Variants in PTPRG observed in about 807,000 individuals in gnomAD.
PTPRG encodes the protein protein tyrosine phosphatase receptor type G, also known as receptor-type tyrosine-protein phosphatase gamma.
In PTPRG, 102 loss-of-function variants were observed where a neutral mutation model predicts 165.3. That is an observed-to-expected ratio of 0.62 (90% CI 0.53 to 0.73). PTPRG has a LOEUF of 0.73. PTPRG is among the 30% of genes least tolerant of loss of function. The pLI, the probability that PTPRG is intolerant of heterozygous loss-of-function variation, is 0.00. For missense variants in PTPRG, 1,866 were observed against 1,861.4 expected (o/e 1.00, Z -0.05); for synonymous variants, 675 against 669.5 (o/e 1.01, Z -0.13).
chr3:61,755,099 C>T (rs576115824), intron 2 of PTPRG, among the ~76,000 whole-genome samples: 29 of 152,220 alleles, frequency 1.9e-4, no homozygotes, highest in South Asian at 1.7e-3. Context: ...CCTCCGCCTC[C>T]TGGGTTCAAG....
intron 1 of PTPRG, among the ~76,000 whole-genome samples, chr3:61,673,608 G>A (rs1703110569): frequency 1.3e-5 from 2 of 152,138 alleles, no homozygotes; most frequent in Admixed American, 6.5e-5. Context: ...ATTACTGTTT[G>A]TATAAATCTA....
intron 2 of PTPRG, among the ~76,000 whole-genome samples, chr3:61,846,127 C>G (rs555141804): frequency 6.6e-6 from 1 of 152,276 alleles, no homozygotes; most frequent in Admixed American, 6.5e-5. Context: ...GAAGATCTGC[C>G]TAAAGCACTC....
At chr3:61,666,028 A>C (rs1702804152) in intron 1 of PTPRG, among the ~76,000 whole-genome samples, 1 of 151,638 alleles carries the variant, frequency 6.6e-6, no homozygotes, top group South Asian at 2.1e-4. Flanking sequence ...TATACTGGGA[A>C]CTGGAAACAG....
chr3:62,009,663 G>A (rs1486938380), intron 4 of PTPRG, among the ~76,000 whole-genome samples: 2 of 152,140 alleles, frequency 1.3e-5, no homozygotes, highest in African/African-American at 4.8e-5. Context: ...AAGAGAATGT[G>A]TTCCTTGTCT....
intron 2 of PTPRG, among the ~76,000 whole-genome samples, chr3:61,974,308 C>G (rs1308694600): frequency 6.6e-6 from 1 of 151,882 alleles, no homozygotes; most frequent in Non-Finnish European, 1.5e-5. Context: ...TTAGTATGTC[C>G]TTTGGGAGGC....
At chr3:61,961,411 G>T (rs1001744404) in intron 2 of PTPRG, among the ~76,000 whole-genome samples, 1 of 152,126 alleles carries the variant, frequency 6.6e-6, no homozygotes, top group Non-Finnish European at 1.5e-5. Context: ...TTAAAATTCG[G>T]ACTTAATTAA....
chr3:62,007,147 T>A (rs1188359480), intron 4 of PTPRG, among the ~76,000 whole-genome samples: 1 of 152,154 alleles, frequency 6.6e-6, no homozygotes, highest in East Asian at 1.9e-4. Flanking sequence ...ATTTTAAACA[T>A]GTGCCCCACA....
At chr3:61,864,820 G>A (rs140849902) in intron 2 of PTPRG, among the ~76,000 whole-genome samples, 1 of 152,128 alleles carries the variant, frequency 6.6e-6, no homozygotes, top group Admixed American at 6.5e-5. Flanking sequence ...CCATCTCCTC[G>A]TAATGTGTGG....
At position 61,957,225 on chromosome 3, in the gene PTPRG, A is replaced by C. The variant is rs922167702; in HGVS notation, c.191-32400A>C. ...CACAGTCTCTGATGCCTTTCTCTTT[A>C]CTGTGAACACTGAATAATAATTATT... On this transcript the variant is annotated intron_variant, in intron 2 of 29. Transcript: ENST00000474889. Among the ~76,000 whole-genome samples, 3 of 152,374 alleles carry C rather than the reference A, an allele frequency of 2.0e-5. No homozygotes were observed. The East Asian group carries it at 5.8e-4, about 29-fold the overall frequency.
chr3:61,734,227 CAG>C (rs914825434), intron 1 of PTPRG, among the ~76,000 whole-genome samples: 1 of 152,172 alleles, frequency 6.6e-6, no homozygotes, highest in Non-Finnish European at 1.5e-5. Flanking sequence ...GAATAAACCT[CAG>C]ATATCATGTA....
intron 2 of PTPRG, among the ~76,000 whole-genome samples, chr3:61,829,726 T>A (rs2036218220): frequency 6.6e-6 from 1 of 152,210 alleles, no homozygotes; most frequent in Non-Finnish European, 1.5e-5. Context: ...CTGACACAGC[T>A]TCCTTTTGGT....
chr3:62,014,860 C>T (rs2041502956), intron 4 of PTPRG, among the ~76,000 whole-genome samples: 1 of 152,182 alleles, frequency 6.6e-6, no homozygotes, highest in South Asian at 2.1e-4. Flanking sequence ...TTTCTGGATT[C>T]ATCTTATTCT....
At chr3:62,176,051 G>C (rs1354973067) in intron 8 of PTPRG, among the ~76,000 whole-genome samples, 1 of 150,740 alleles carries the variant, frequency 6.6e-6, no homozygotes, top group Admixed American at 6.6e-5. Flanking sequence ...GAGGACTCTG[G>C]AATAATCACA....
intron 1 of PTPRG, among the ~76,000 whole-genome samples, chr3:61,689,416 T>C (rs1349052584): frequency 1.3e-5 from 2 of 152,252 alleles, no homozygotes; most frequent in African/African-American, 4.8e-5. Flanking sequence ...ACTTAAAATG[T>C]AGACTGTGTG....
intron 5 of PTPRG, among the ~76,000 whole-genome samples, chr3:62,107,207 A>G (rs1262571399): frequency 6.6e-6 from 1 of 152,254 alleles, no homozygotes; most frequent in Admixed American, 6.5e-5. Context: ...CACTAGAATC[A>G]GATTCGTAGT....
At chr3:62,027,218 C>A (rs888638772) in intron 4 of PTPRG, among the ~76,000 whole-genome samples, 1 of 152,144 alleles carries the variant, frequency 6.6e-6, no homozygotes, top group South Asian at 2.1e-4. Flanking sequence ...AAATCACTAA[C>A]TGATAGTGTG....
chr3:62,203,833 G>A lies in PTPRG; in HGVS notation c.2038G>A (p.Ala680Thr), dbSNP rs766977146. 11 of 1,614,076 alleles carry A rather than the reference G, an allele frequency of 6.8e-6. No homozygotes were observed. Among genetic ancestry groups the A allele is most frequent in the East Asian group, 2.2e-5 (1 of 44,864 alleles). ...CACCTCCACCCAAGTGCCCCCCACC[G>A]CCACAGAGGAGCAGTATGCAGGGAG... ...MVTSTQVPPT[A>T]TEEQYAGSDP... is the part of the protein sequence containing the mutation. The change falls in exon 12 of 30, where the codon GCC becomes ACC. Residue 680 changes from alanine to threonine, a missense_variant. Ala to Thr is a moderately conservative substitution (Grantham distance 58). Around this residue, in one of 3 missense-constraint regions of PTPRG, gnomAD observed 1,452 missense variants for 1,463.0 expected, o/e 0.99. Transcript: ENST00000474889. The surrounding 1 kb of genome is among the most constrained non-coding windows in gnomAD (Gnocchi z 6.4).
At position 62,262,805 on chromosome 3, in the gene PTPRG, A is replaced by C; in HGVS notation, c.2567A>C (p.Gln856Pro). 1 of 1,611,780 alleles carries C rather than the reference A, an allele frequency of 6.2e-7. No homozygotes were observed. The highest frequency in any genetic ancestry group is 8.5e-7 in the Non-Finnish European group (1 of 1,178,854). The change falls in exon 17 of 30, where the codon CAG (glutamine) becomes CCG (proline). Residue 856 changes from glutamine (Q) to proline (P), a missense_variant. By Grantham distance (76) the Gln-to-Pro change is moderately conservative. Coordinates refer to ENST00000474889, the MANE Select transcript of PTPRG (RefSeq NM_002841.4). Reference protein sequence around the residue: ...HGFSEDFEEVQRCTADMNITA... With the variant: ...HGFSEDFEEVPRCTADMNITA... ...TGCTGTTTTCTTCACTAGGAAGTCC[A>C]GCGCTGTACTGCTGATATGAACATC... is the stretch of plus-strand genomic sequence containing the variant.
chr3:62,010,370 TTGTGTG>T lies in PTPRG; in HGVS notation c.519+6895_519+6900del, dbSNP rs35894531. Among the ~76,000 whole-genome samples, 472 of 149,568 alleles carry T rather than the reference TTGTGTG, an allele frequency of 3.2e-3. 6 individuals are homozygous for T. The highest frequency in any genetic ancestry group is 0.011 in the African/African-American group (446 of 40,502). On this transcript the variant is annotated intron_variant, in intron 4 of 29. Coordinates refer to ENST00000474889, the MANE Select transcript of PTPRG (RefSeq NM_002841.4). ...TTACATGGCCTCTGTCCCTCTCTTC[TTGTGTG>T]TGTGTGTGTGTGTGTGTGTGTATAA... is the stretch of plus-strand genomic sequence containing the variant.
Sources: allele counts gnomAD v4.1 joint callset (sites outside exome capture counted in the v4.1 genomes callset), GRCh38; gene constraint gnomAD v4.1.1; regional missense constraint gnomAD v4.1.1; non-coding constraint Gnocchi (gnomAD v3.1); transcripts MANE v1.5; gene names NCBI Gene and HGNC (gene_info 2026-07-23, HGNC 2026-07-21).